Variants in SLC39A11 observed in about 807,000 individuals in gnomAD.
The protein encoded by SLC39A11 is zinc transporter ZIP11.
A neutral mutation model predicts 36.1 loss-of-function variants in SLC39A11; 33 were observed. The observed-to-expected ratio is 0.91, with a 90% CI of 0.69 to 1.22. The LOEUF is 1.22. Ranked by LOEUF, SLC39A11 falls within the 50% of genes most tolerant of loss-of-function variation. The pLI, the probability that SLC39A11 is intolerant of heterozygous loss-of-function variation, is 0.00. For missense variants in SLC39A11, 432 were observed against 430.3 expected, an observed-to-expected ratio of 1.00 and a Z score of -0.03; for synonymous variants, 166 against 170.3, an observed-to-expected ratio of 0.97 and a Z score of 0.20.
intron 7 of SLC39A11, among the ~76,000 whole-genome samples, chr17:72,714,646 T>C (rs144668884): frequency 3.3e-5 from 5 of 152,296 alleles, no homozygotes; most frequent in African/African-American, 1.2e-4. Flanking sequence ...AGGAACCTGA[T>C]CCTTAACAAG....
At chr17:72,895,470 A>C (rs920057397) in intron 5 of SLC39A11, among the ~76,000 whole-genome samples, 1 of 151,898 alleles carries the variant, frequency 6.6e-6, no homozygotes, top group Non-Finnish European at 1.5e-5. Context: ...TCCCAGCTAC[A>C]TGGGAGGCTG....
intron 6 of SLC39A11, among the ~76,000 whole-genome samples, chr17:72,742,471 G>A (rs1189112766): frequency 2.0e-5 from 3 of 152,088 alleles, no homozygotes; most frequent in African/African-American, 7.2e-5. Flanking sequence ...ACCTTGTTTG[G>A]CACTAACACA....
chr17:72,936,128 G>A (rs912623275), intron 5 of SLC39A11, among the ~76,000 whole-genome samples: 4 of 152,024 alleles, frequency 2.6e-5, no homozygotes, highest in Admixed American at 2.0e-4. Flanking sequence ...AACCCAGGAG[G>A]CAGACGTTGT....
At chr17:73,088,593 G>C in intron 2 of SLC39A11, 64 bp downstream of exon 2, 1 of 1,293,948 alleles carries the variant, frequency 7.7e-7, no homozygotes. Context: ...TCCATGGAGT[G>C]GGACAGTGCC....
rs1285271619 is a variant in SLC39A11, at chr17:72,842,764, C to T, written c.601+6870G>A. Among the ~76,000 whole-genome samples, 4 of 152,152 alleles carry T rather than the reference C, an allele frequency of 2.6e-5. No individual in the cohort carries two copies. In the East Asian group the frequency reaches 5.8e-4, roughly 22 times the overall value. On this transcript the variant is annotated intron_variant, in intron 6 of 9. Coordinates refer to ENST00000255559, the MANE Select transcript of SLC39A11 (RefSeq NM_139177.4). ...ACCCCCACAGATGCACCCAGGCAGG[C>T]GCCACGGAAGTAGCTTAGAAGGAGG...
At chr17:72,885,690 C>A (rs913671952) in intron 5 of SLC39A11, among the ~76,000 whole-genome samples, 2 of 152,042 alleles carry the variant, frequency 1.3e-5, no homozygotes, top group Admixed American at 1.3e-4. Flanking sequence ...CCACTGGCAC[C>A]TCTGTGCCAT....
At chr17:72,907,602 C>A (rs2082725804) in intron 5 of SLC39A11, among the ~76,000 whole-genome samples, 1 of 152,192 alleles carries the variant, frequency 6.6e-6, no homozygotes, top group East Asian at 1.9e-4. Flanking sequence ...GATCTTCCTG[C>A]CTCACAGAAG....
intron 3 of SLC39A11, among the ~76,000 whole-genome samples, chr17:73,047,744 G>T (rs2059343121): frequency 1.3e-5 from 2 of 151,668 alleles, no homozygotes; most frequent in African/African-American, 2.4e-5. Flanking sequence ...GAAGCGGGCA[G>T]ATCACTTGAG....
chr17:72,913,353 T>A (rs1213606653), intron 5 of SLC39A11, among the ~76,000 whole-genome samples: 1 of 152,056 alleles, frequency 6.6e-6, no homozygotes, highest in Non-Finnish European at 1.5e-5. Flanking sequence ...AAATCAAGAA[T>A]GAGCTGGAGA....
chr17:72,728,621 C>T (rs368620124), intron 7 of SLC39A11, among the ~76,000 whole-genome samples: 14 of 152,224 alleles, frequency 9.2e-5, no homozygotes, highest in South Asian at 8.3e-4. Context: ...CAAATGGGTG[C>T]GCGTATGCTC....
Position 72,648,793 on chromosome 17 carries a change from G to T in SLC39A11, c.929+10C>A, listed in dbSNP as rs746720890. On this transcript the variant is annotated intron_variant, in intron 9 of 9. Transcript: ENST00000255559. ...GGACAGGGACAGACAGGGAGGGAAG[G>T]TTCTCCAACCTGATCTGGGCTTCGG... is the stretch of plus-strand genomic sequence containing the variant. The T allele has an allele frequency of 6.2e-6, 10 of 1,613,972 alleles. No homozygotes were observed. The East Asian group carries it at 6.7e-5, about 11-fold the overall frequency.
intron 1 of SLC39A11, chr17:73,091,729 T>C (rs1335721582): frequency 6.6e-6 from 1 of 152,236 alleles, no homozygotes; most frequent in African/African-American, 2.4e-5. Context: ...ATGGGGATAT[T>C]AATTCCATCA....
At chr17:72,663,646 C>A (rs923126700) in intron 7 of SLC39A11, among the ~76,000 whole-genome samples, 1 of 152,146 alleles carries the variant, frequency 6.6e-6, no homozygotes, top group Non-Finnish European at 1.5e-5. Context: ...ATGATGAGGG[C>A]CTCAGTCTCA....
intron 7 of SLC39A11, among the ~76,000 whole-genome samples, chr17:72,676,563 T>C (rs1051397236): frequency 6.6e-6 from 1 of 152,134 alleles, no homozygotes; most frequent in Non-Finnish European, 1.5e-5. Flanking sequence ...AGAGTAAACA[T>C]AGCAGGTGTG....
At position 73,008,151 on chromosome 17, in the gene SLC39A11, GTTGTTTTTTTT is replaced by G. The variant is rs1047143790; in HGVS notation, c.306+23394_306+23404del. 3.1e-4 allele frequency among the ~76,000 whole-genome samples: 28 copies of G among 89,938 alleles called. No individual in the cohort carries two copies. The East Asian group carries it at 6.1e-3, about 19-fold the overall frequency. 59.0% of individuals were successfully genotyped at this position (89,938 alleles called of 152,430 possible). On this transcript the variant is annotated intron_variant, in intron 4 of 9. Transcript: ENST00000255559. ...AAAGAAACATTTGTTGTTGGGGTTT[GTTGTTTTTTTT>G]TTGTTTTTTTTTTTTTGAGATGGGG...
chr17:72,821,999 G>A (rs1231485205), intron 6 of SLC39A11: 3 of 151,304 alleles, frequency 2.0e-5, no homozygotes, highest in African/African-American at 7.3e-5. Context: ...CTGGCAAGCA[G>A]GTCTCCTGAT....
chr17:73,080,019 C>A (rs1282688126), intron 3 of SLC39A11, among the ~76,000 whole-genome samples: 1 of 152,190 alleles, frequency 6.6e-6, no homozygotes, highest in African/African-American at 2.4e-5. Flanking sequence ...CTCCCATGCA[C>A]ACAGATGGGT....
At chr17:72,721,965 TCTC>T in intron 7 of SLC39A11, among the ~76,000 whole-genome samples, 1 of 49,740 alleles carries the variant, frequency 2.0e-5, no homozygotes, top group Admixed American at 2.2e-4. Context: ...CAAGCCTCCA[TCTC>T]AAAAAAAAAA....
At chr17:73,023,545 A>C (rs1448157150) in intron 4 of SLC39A11, among the ~76,000 whole-genome samples, 6 of 152,228 alleles carry the variant, frequency 3.9e-5, no homozygotes. Flanking sequence ...GCTGGAGTGC[A>C]GTGGTGTGAT....
Sources: allele counts gnomAD v4.1 joint callset (sites outside exome capture counted in the v4.1 genomes callset), GRCh38; gene constraint gnomAD v4.1.1; transcripts MANE v1.5; gene names NCBI Gene and HGNC (gene_info 2026-07-23, HGNC 2026-07-21).